HS3ST3A1: variants seen among roughly 807,000 people sequenced by gnomAD.
The protein encoded by HS3ST3A1 is heparan sulfate glucosamine 3-O-sulfotransferase 3A1.
Under a neutral mutation model 25.7 loss-of-function variants are expected in HS3ST3A1, and 19 were observed. The ratio of observed to expected loss-of-function variants is 0.74; its 90% confidence interval spans 0.52 to 1.08. HS3ST3A1 has a LOEUF of 1.08. Ranked by LOEUF, HS3ST3A1 falls within the 50% of genes least tolerant of loss-of-function variation. The probability of loss-of-function intolerance (pLI) is 0.00; values close to 1 mark genes in which losing one functional copy is unlikely to be tolerated. For synonymous variants in HS3ST3A1, 226 were observed against 278.6 expected, an observed-to-expected ratio of 0.81 and a Z score of 1.88; for missense variants, 459 against 594.3, an observed-to-expected ratio of 0.77 and a Z score of 2.37.
intron 1 of HS3ST3A1, among the ~76,000 whole-genome samples, chr17:13,549,360 G>T (rs1000199492): frequency 6.6e-6 from 1 of 152,312 alleles, no homozygotes; most frequent in African/African-American, 2.4e-5. Flanking sequence ...CACTGTGAGA[G>T]TCCACAGCTT....
chr17:13,599,004 GC>G (rs1361279960), intron 1 of HS3ST3A1, among the ~76,000 whole-genome samples: 1 of 152,098 alleles, frequency 6.6e-6, no homozygotes, highest in Non-Finnish European at 1.5e-5. Flanking sequence ...AATGCAAACT[GC>G]TATAGATAAG....
intron 1 of HS3ST3A1, among the ~76,000 whole-genome samples, chr17:13,507,455 C>A (rs1225535103): frequency 6.6e-6 from 1 of 152,218 alleles, no homozygotes; most frequent in African/African-American, 2.4e-5. Context: ...AGCCAGGGAA[C>A]ATCAGAGTGA....
At chr17:13,505,400 A>T (rs1905630224) in intron 1 of HS3ST3A1, among the ~76,000 whole-genome samples, 1 of 152,160 alleles carries the variant, frequency 6.6e-6, no homozygotes, top group Non-Finnish European at 1.5e-5. Context: ...CAAAAAGATG[A>T]TGACTTGATT....
At chr17:13,501,376 A>T (rs1905469787) in intron 1 of HS3ST3A1, among the ~76,000 whole-genome samples, 1 of 152,152 alleles carries the variant, frequency 6.6e-6, no homozygotes, top group Admixed American at 6.5e-5. Context: ...TTTTACTACA[A>T]TTTTTTTAAA....
rs116402932 is a variant in HS3ST3A1, at chr17:13,575,347, T to C, written c.599+25184A>G. Among the ~76,000 whole-genome samples the C allele has an allele frequency of 9.3e-3, 1,413 of 152,316 alleles. 18 individuals are homozygous for C. The highest frequency in any genetic ancestry group is 0.032 in the African/African-American group (1,347 of 41,562). On this transcript the variant is annotated intron_variant, in intron 1 of 1. Coordinates refer to ENST00000284110, the MANE Select transcript of HS3ST3A1 (RefSeq NM_006042.3). Reference sequence around the variant, plus strand: ...TGAAATTCTCAGCCTCAATTTTGATTTCATAATTTGCCAAATTCATAAGAC... The same window carrying C: ...TGAAATTCTCAGCCTCAATTTTGATCTCATAATTTGCCAAATTCATAAGAC...
intron 1 of HS3ST3A1, among the ~76,000 whole-genome samples, chr17:13,557,476 C>T (rs997716750): frequency 2.6e-5 from 4 of 151,186 alleles, no homozygotes; most frequent in Non-Finnish European, 5.9e-5. Context: ...ACAAAAAAAC[C>T]CAAGGTAAGA....
intron 1 of HS3ST3A1, among the ~76,000 whole-genome samples, chr17:13,510,505 C>T (rs536106975): frequency 2.0e-5 from 3 of 152,072 alleles, no homozygotes; most frequent in South Asian, 2.1e-4. Flanking sequence ...TTTGTTCATT[C>T]GCTATTTTTC....
In HS3ST3A1 at chr17:13,595,796, T is replaced by C. The variant is rs150004829; in HGVS notation, c.599+4735A>G. On this transcript the variant is annotated intron_variant, in intron 1 of 1. Transcript: ENST00000284110. ...GCCCAGCAATTTGACTGATGGTGAT[T>C]GCAATTTGCAATTGTTCAACTGTGT... Among the ~76,000 whole-genome samples the C allele has an allele frequency of 2.3e-3, 354 of 152,244 alleles. 3 individuals are homozygous for C. The highest frequency in any genetic ancestry group is 8.0e-3 in the African/African-American group (331 of 41,516).
At chr17:13,589,999 C>G (rs60408684) in intron 1 of HS3ST3A1, among the ~76,000 whole-genome samples, 12,722 of 152,140 alleles carry the variant, frequency 0.084, 1,094 homozygotes, top group African/African-American at 0.22. Flanking sequence ...GAGATCTAAT[C>G]CAAGTAAGAA....
At chr17:13,571,727 C>T (rs760692258) in intron 1 of HS3ST3A1, among the ~76,000 whole-genome samples, 1 of 152,146 alleles carries the variant, frequency 6.6e-6, no homozygotes, top group Non-Finnish European at 1.5e-5. Flanking sequence ...TATTTTAGTG[C>T]TGCTATATAC....
At chr17:13,593,599 A>C (rs1908494513) in intron 1 of HS3ST3A1, among the ~76,000 whole-genome samples, 1 of 152,234 alleles carries the variant, frequency 6.6e-6, no homozygotes, top group Admixed American at 6.5e-5. Context: ...TCTGAAGGAA[A>C]GGAAAGAAGA....
At chr17:13,518,091 G>T (rs1210942964) in intron 1 of HS3ST3A1, among the ~76,000 whole-genome samples, 1 of 152,118 alleles carries the variant, frequency 6.6e-6, no homozygotes, top group Non-Finnish European at 1.5e-5. Context: ...ACTATAAGTG[G>T]CTCAGTCTTA....
chr17:13,598,041 G>A (rs1908629069), intron 1 of HS3ST3A1, among the ~76,000 whole-genome samples: 1 of 152,124 alleles, frequency 6.6e-6, no homozygotes. Context: ...TAATTATATA[G>A]GTTTTTCTCT....
intron 1 of HS3ST3A1, among the ~76,000 whole-genome samples, chr17:13,499,074 T>G (rs912957506): frequency 6.6e-6 from 1 of 152,178 alleles, no homozygotes; most frequent in African/African-American, 2.4e-5. Flanking sequence ...TTTTTCAAAA[T>G]AATTCTTAAT....
chr17:13,554,722 C>T (rs182735703), intron 1 of HS3ST3A1, among the ~76,000 whole-genome samples: 8 of 152,240 alleles, frequency 5.3e-5, no homozygotes, highest in Non-Finnish European at 7.4e-5. Flanking sequence ...CTTTCAAGCA[C>T]GAAGAGGAAA....
intron 1 of HS3ST3A1, among the ~76,000 whole-genome samples, chr17:13,551,003 C>T (rs1259760576): frequency 1.4e-5 from 2 of 147,400 alleles, no homozygotes; most frequent in Admixed American, 1.4e-4. Context: ...GGAGGCGAAG[C>T]TTGCAGTGAG....
At chr17:13,511,984 A>G (rs929591815) in intron 1 of HS3ST3A1, among the ~76,000 whole-genome samples, 5 of 152,162 alleles carry the variant, frequency 3.3e-5, no homozygotes, top group Non-Finnish European at 7.3e-5. Context: ...ATATATTCAA[A>G]TTTGTACACT....
chr17:13,569,529 C>T (rs1907752410), intron 1 of HS3ST3A1, among the ~76,000 whole-genome samples: 1 of 152,222 alleles, frequency 6.6e-6, no homozygotes, highest in Non-Finnish European at 1.5e-5. Flanking sequence ...CCACCGGAGA[C>T]TGCTGCGGCC....
In HS3ST3A1 at chr17:13,502,312, A is replaced by G. The variant is rs892122164; in HGVS notation, c.600-5494T>C. 7.2e-5 allele frequency among the ~76,000 whole-genome samples: 11 copies of G among 152,260 alleles called. 1 individual carries two copies. The South Asian group carries it at 1.0e-3, about 14-fold the overall frequency. ...CAGAGGACTTTCCCACTGCCACACT[A>G]CTGAGGGGACAGACCTGCCTCCATG... On this transcript the variant is annotated intron_variant, in intron 1 of 1. Coordinates refer to ENST00000284110, the MANE Select transcript of HS3ST3A1 (RefSeq NM_006042.3).
Sources: gnomAD v4.1 joint callset for allele counts (sites outside exome capture counted in the v4.1 genomes callset) on GRCh38, gnomAD v4.1.1 for gene constraint, MANE v1.5 for transcripts, NCBI Gene and HGNC (gene_info 2026-07-23, HGNC 2026-07-21) for gene names.